The following DIO3 variants were observed in gnomAD, a reference collection of about 807,000 sequenced individuals.
DIO3 encodes thyroxine 5-deiodinase.
Under a neutral mutation model 20.4 loss-of-function variants are expected in DIO3, and 5 were observed. The ratio of observed to expected loss-of-function variants is 0.25; its 90% CI spans 0.13 to 0.52. The LOEUF (loss-of-function observed/expected upper bound fraction) is 0.52. DIO3 is among the 20% of genes least tolerant of loss of function. The probability of loss-of-function intolerance (pLI) is 0.97; values close to 1 mark genes in which losing one functional copy is unlikely to be tolerated. For synonymous variants in DIO3, 201 were observed against 193.3 expected (o/e 1.04, Z -0.33); for missense variants, 341 against 438.2 (o/e 0.78, Z 1.98).
Position 101,561,882 on chromosome 14 carries a change from C to T in DIO3, c.386C>T (p.Ala129Val). ...CAGAAGTTGGATTTCTTCAAGCAGG[C>T]GCACGAGGGCGGTCCGGCGCCCAAC... The change falls in exon 1 of 1, where the codon GCG (alanine) becomes GTG (valine). Residue 129 changes from alanine to valine, a missense_variant. Around this residue, in one of 3 missense-constraint regions of DIO3, gnomAD observed 198 missense variants for 220.7 expected, o/e 0.90. Coordinates refer to ENST00000510508, the Ensembl canonical transcript of DIO3. The surrounding 1 kb of genome is among the most constrained non-coding windows in gnomAD (Gnocchi z 8.0). 1 of 1,605,068 alleles carries T rather than the reference C, an allele frequency of 6.2e-7. No homozygotes were observed. The highest frequency in any genetic ancestry group is 8.5e-7 in the Non-Finnish European group (1 of 1,178,996).
rs2034538614 is a variant in DIO3 at position 101,562,594 on chromosome 14, A to C, written c.*183A>C. ...GAACAATCTCCCCTACCTCCCTGGG[A>C]CTCTGCTTCTGTAACTGTCTCATTC... On this transcript the variant is annotated 3_prime_UTR_variant, in exon 1 of 1. Coordinates refer to ENST00000510508, the Ensembl canonical transcript of DIO3. This position sits in a 1 kb window ranked among gnomAD's most constrained non-coding sequence, Gnocchi z 8.7. 1 of 625,208 alleles carries C rather than the reference A, an allele frequency of 1.6e-6. No homozygotes were observed. The highest frequency in any genetic ancestry group is 2.1e-5 in the South Asian group (1 of 46,810). 38.7% of individuals were successfully genotyped at this position (625,208 alleles called of 1,614,324 possible).
At position 101,562,455 on chromosome 14, in the gene DIO3, G is replaced by C. The variant is rs1044409953; in HGVS notation, c.*44G>C. Reference sequence around the variant, plus strand: ...ACTGAACTTGGTGGGCTGGGCCTTCGAGCCTTCGAAGCCCACGTGCAAGCG... The same window carrying C: ...ACTGAACTTGGTGGGCTGGGCCTTCCAGCCTTCGAAGCCCACGTGCAAGCG... On this transcript the variant is annotated 3_prime_UTR_variant, in exon 1 of 1. Coordinates refer to ENST00000510508, the Ensembl canonical transcript of DIO3. This position sits in a 1 kb window ranked among gnomAD's most constrained non-coding sequence, Gnocchi z 8.7. 3 of 1,556,080 alleles carry C rather than the reference G, an allele frequency of 1.9e-6. No homozygotes were observed. Among genetic ancestry groups the C allele is most frequent in the African/African-American group, 1.4e-5 (1 of 73,226 alleles).
Position 101,562,395 on chromosome 14 carries a change from G to A in DIO3, c.899G>A (p.Arg300Gln), listed in dbSNP as rs774880586. 13 of 1,609,982 alleles carry A rather than the reference G, an allele frequency of 8.1e-6. No individual in the cohort carries two copies. Among genetic ancestry groups the A allele is most frequent in the African/African-American group, 1.3e-5 (1 of 74,810 alleles). Residue 300 changes from arginine (R) to glutamine (Q), a missense_variant, in exon 1 of 1, where the codon CGG (arginine) becomes CAG (glutamine). By Grantham distance (43) the Arg-to-Gln change is conservative. Coordinates refer to ENST00000510508, the Ensembl canonical transcript of DIO3. This position sits in a 1 kb window ranked among gnomAD's most constrained non-coding sequence, Gnocchi z 8.7. ...TATGATGAGCAACTGCACGGCGCTC[G>A]GCCCCGGAGGGTGTAAACATCCAAC...
rs1466156605 is a variant in DIO3, at chr14:101,562,413, C to A, written c.*2C>A. On this transcript the variant is annotated 3_prime_UTR_variant, in exon 1 of 1. Transcript: ENST00000510508. The surrounding 1 kb of genome is among the most constrained non-coding windows in gnomAD (Gnocchi z 8.7). ...GGCGCTCGGCCCCGGAGGGTGTAAA[C>A]ATCCAACGGACAATTGACTGAACTT... is the stretch of plus-strand genomic sequence containing the variant. 1.2e-5 allele frequency: 20 copies of A among 1,600,682 alleles called. No individual in the cohort carries two copies. Among genetic ancestry groups the A allele is most frequent in the Non-Finnish European group, 1.7e-5 (20 of 1,171,898 alleles).
In DIO3 at chr14:101,562,602, T is replaced by C. The variant is rs758738718; in HGVS notation, c.*191T>C. The C allele has an allele frequency of 4.9e-6, 3 of 614,696 alleles. No individual in the cohort carries two copies. The highest frequency in any genetic ancestry group is 8.7e-6 in the Non-Finnish European group (3 of 343,714). 38.1% of individuals were successfully genotyped at this position (614,696 alleles called of 1,614,324 possible). ...TCCCCTACCTCCCTGGGACTCTGCT[T>C]CTGTAACTGTCTCATTCACACCTGC... On this transcript the variant is annotated 3_prime_UTR_variant, in exon 1 of 1. Coordinates refer to ENST00000510508, the Ensembl canonical transcript of DIO3. This position sits in a 1 kb window ranked among gnomAD's most constrained non-coding sequence, Gnocchi z 8.7.
Position 101,563,144 on chromosome 14 carries a change from G to A in DIO3, c.*733G>A, listed in dbSNP as rs2034543484. The A allele has an allele frequency of 6.0e-6, 1 of 167,096 alleles. No homozygotes were observed. The allele number at this position is 167,096 out of a possible 1,614,324, so 10.4% of individuals were successfully genotyped here. A position where few individuals can be genotyped will look rare whatever the true frequency, so the allele number is the denominator to read the frequency against. Reference sequence around the variant, plus strand: ...CCACCTTAAATGGGAGGGAAGTTGGGGTGTCTGCTTTGGGACCAGAGGAAG... The same window carrying A: ...CCACCTTAAATGGGAGGGAAGTTGGAGTGTCTGCTTTGGGACCAGAGGAAG... On this transcript the variant is annotated 3_prime_UTR_variant, in exon 1 of 1. Coordinates refer to ENST00000510508, the Ensembl canonical transcript of DIO3. The surrounding 1 kb of genome is among the most constrained non-coding windows in gnomAD (Gnocchi z 8.3).
rs762013346 is a variant in DIO3, at chr14:101,562,061, C to T, written c.565C>T (p.Arg189Cys). 38 of 1,609,750 alleles carry T rather than the reference C, an allele frequency of 2.4e-5. No homozygotes were observed. Among genetic ancestry groups the T allele is most frequent in the South Asian group, 4.4e-5 (4 of 91,092 alleles). Residue 189 changes from arginine (R) to cysteine (C), a missense_variant, in exon 1 of 1, where the codon CGC (arginine) becomes TGC (cysteine). Around this residue, in one of 3 missense-constraint regions of DIO3, gnomAD observed 138 missense variants for 197.8 expected, o/e 0.70. Coordinates refer to ENST00000510508, the Ensembl canonical transcript of DIO3. The surrounding 1 kb of genome is among the most constrained non-coding windows in gnomAD (Gnocchi z 8.7). ...CCAGCGCCTGGTCACTAAGTACCAG[C>T]GCGACGTCGACTTCCTCATCATCTA...
Position 101,561,646 on chromosome 14 carries a change from G to A in DIO3, c.150G>A (p.Pro50=), listed in dbSNP as rs1179326896. 4 of 1,613,382 alleles carry A rather than the reference G, an allele frequency of 2.5e-6. No homozygotes were observed. Among genetic ancestry groups the A allele is most frequent in the African/African-American group, 2.7e-5 (2 of 74,904 alleles). Residue 50 remains proline, a synonymous_variant, in exon 1 of 1, where the codon CCG becomes CCA. Coordinates refer to ENST00000510508, the Ensembl canonical transcript of DIO3. The surrounding 1 kb of genome is among the most constrained non-coding windows in gnomAD (Gnocchi z 8.0). ...CCGCCTCGTGCCTCGTGCTCTTCCC[G>A]CGCTTCCTCGGCACGGCCTTCATGC... is the stretch of plus-strand genomic sequence containing the variant.
In DIO3 at chr14:101,562,414, A is replaced by G; in HGVS notation, c.*3A>G. 1 of 1,600,670 alleles carries G rather than the reference A, an allele frequency of 6.2e-7. No homozygotes were observed. The highest frequency in any genetic ancestry group is 8.5e-7 in the Non-Finnish European group (1 of 1,171,680). ...GCGCTCGGCCCCGGAGGGTGTAAAC[A>G]TCCAACGGACAATTGACTGAACTTG... On this transcript the variant is annotated 3_prime_UTR_variant, in exon 1 of 1. Coordinates refer to ENST00000510508, the Ensembl canonical transcript of DIO3. The surrounding 1 kb of genome is among the most constrained non-coding windows in gnomAD (Gnocchi z 8.7).
At position 101,561,848 on chromosome 14, in the gene DIO3, T is replaced by A. The variant is rs1451876012; in HGVS notation, c.352T>A (p.Trp118Arg). Reference sequence around the variant, plus strand: ...CACCCTGGCGTCGCTCAAGGCGGTGTGGCATGGCCAGAAGTTGGATTTCTT... The same window carrying A: ...CACCCTGGCGTCGCTCAAGGCGGTGAGGCATGGCCAGAAGTTGGATTTCTT... Residue 118 changes from tryptophan (W) to arginine (R), a missense_variant, in exon 1 of 1, where the codon TGG (tryptophan) becomes AGG (arginine). Trp to Arg is a moderately radical substitution (Grantham distance 101). Around this residue, in one of 3 missense-constraint regions of DIO3, gnomAD observed 198 missense variants for 220.7 expected, o/e 0.90. Transcript: ENST00000510508. The surrounding 1 kb of genome is among the most constrained non-coding windows in gnomAD (Gnocchi z 8.0). 1 of 1,607,808 alleles carries A rather than the reference T, an allele frequency of 6.2e-7. No homozygotes were observed. The highest frequency in any genetic ancestry group is 8.5e-7 in the Non-Finnish European group (1 of 1,179,232).
chr14:101,562,140 T>A lies in DIO3; in HGVS notation c.644T>A (p.Ile215Asn). The A allele has an allele frequency of 6.2e-7, 1 of 1,613,034 alleles. No individual in the cohort carries two copies. The highest frequency in any genetic ancestry group is 8.5e-7 in the Non-Finnish European group (1 of 1,180,018). Residue 215 changes from isoleucine to asparagine, a missense_variant, in exon 1 of 1, where the codon ATC becomes AAC. By Grantham distance (149) the Ile-to-Asn change is moderately radical. Around this residue, in one of 3 missense-constraint regions of DIO3, gnomAD observed 138 missense variants for 197.8 expected, o/e 0.70. Transcript: ENST00000510508. This position sits in a 1 kb window ranked among gnomAD's most constrained non-coding sequence, Gnocchi z 8.7. ...TGGGTCACCACGGACTCTCCCTACA[T>A]CATCCCACAGCACCGGAGCCTGGAG...
chr14:101,562,187 G>T lies in DIO3; in HGVS notation c.691G>T (p.Val231Leu), dbSNP rs1445973511. 6.2e-7 allele frequency: 1 copy of T among 1,612,430 alleles called. No homozygotes were observed. Among genetic ancestry groups the T allele is most frequent in the Non-Finnish European group, 8.5e-7 (1 of 1,180,034 alleles). ...GGAGGACCGGGTCAGCGCAGCGAGG[G>T]TACTGCAGCAAGGTGCACCCGGCTG... The change falls in exon 1 of 1, where the codon GTA becomes TTA. Residue 231 changes from valine (V) to leucine (L), a missense_variant. Around this residue, in one of 3 missense-constraint regions of DIO3, gnomAD observed 138 missense variants for 197.8 expected, o/e 0.70. Transcript: ENST00000510508. This position sits in a 1 kb window ranked among gnomAD's most constrained non-coding sequence, Gnocchi z 8.7.
chr14:101,561,710 C>A lies in DIO3; in HGVS notation c.214C>A (p.Leu72Met), dbSNP rs1347829643. The change falls in exon 1 of 1, where the codon CTG becomes ATG. Residue 72 changes from leucine to methionine, a missense_variant. This residue lies in a region of DIO3 where 198 missense variants were observed against 220.7 expected (regional missense o/e 0.90). Coordinates refer to ENST00000510508, the Ensembl canonical transcript of DIO3. The surrounding 1 kb of genome is among the most constrained non-coding windows in gnomAD (Gnocchi z 8.0). ...TTTCTTGTGTATCCGCAAGCATTTCCTGGGCCGCCGCCGCCGGGGGCAGCC... is the reference window on the plus strand; with the variant it reads ...TTTCTTGTGTATCCGCAAGCATTTCATGGGCCGCCGCCGCCGGGGGCAGCC... The A allele has an allele frequency of 6.2e-7, 1 of 1,612,906 alleles. No homozygotes were observed. Among genetic ancestry groups the A allele is most frequent in the Admixed American group, 1.7e-5 (1 of 60,012 alleles).
rs933645013 is a variant in DIO3 at position 101,561,624 on chromosome 14, C to T, written c.128C>T (p.Ala43Val). ...TCCTTGAGGCTCTGCGCCCAGACCG[C>T]CTCGTGCCTCGTGCTCTTCCCGCGC... The change falls in exon 1 of 1, where the codon GCC (alanine) becomes GTC (valine). Residue 43 changes from alanine (A) to valine (V), a missense_variant. By Grantham distance (64) the Ala-to-Val change is moderately conservative. Coordinates refer to ENST00000510508, the Ensembl canonical transcript of DIO3. This position sits in a 1 kb window ranked among gnomAD's most constrained non-coding sequence, Gnocchi z 8.0. The T allele has an allele frequency of 1.2e-6, 2 of 1,613,472 alleles. No homozygotes were observed. Among genetic ancestry groups the T allele is most frequent in the Non-Finnish European group, 1.7e-6 (2 of 1,179,952 alleles).
Position 101,561,584 on chromosome 14 carries a change from T to A in DIO3, c.88T>A (p.Ser30Thr). Residue 30 changes from serine to threonine, a missense_variant, in exon 1 of 1, where the codon TCC becomes ACC. Coordinates refer to ENST00000510508, the Ensembl canonical transcript of DIO3. The surrounding 1 kb of genome is among the most constrained non-coding windows in gnomAD (Gnocchi z 8.0). ...GGGGCCTGCAGCCACCATGCTCCGC[T>A]CCCTGCTGCTTCACTCCTTGAGGCT... is the stretch of plus-strand genomic sequence containing the variant. 2 of 1,613,302 alleles carry A rather than the reference T, an allele frequency of 1.2e-6. No homozygotes were observed. Among genetic ancestry groups the A allele is most frequent in the Non-Finnish European group, 1.7e-6 (2 of 1,179,946 alleles).
In DIO3 at chr14:101,562,275, G is replaced by A. The variant is rs538885762; in HGVS notation, c.779G>A (p.Arg260His). 6 of 1,613,344 alleles carry A rather than the reference G, an allele frequency of 3.7e-6. No homozygotes were observed. The highest frequency in any genetic ancestry group is 1.1e-5 in the South Asian group (1 of 91,084). The change falls in exon 1 of 1, where the codon CGT becomes CAT. Residue 260 changes from arginine (R) to histidine (H), a missense_variant. Physicochemically the swap from Arg to His is conservative, Grantham distance 29. Around this residue, in one of 3 missense-constraint regions of DIO3, gnomAD observed 138 missense variants for 197.8 expected, o/e 0.70. Coordinates refer to ENST00000510508, the Ensembl canonical transcript of DIO3. This position sits in a 1 kb window ranked among gnomAD's most constrained non-coding sequence, Gnocchi z 8.7. ...TCGGCCTATGGCGCCTACTTCGAGC[G>A]TCTCTATGTCATCCAGAGTGGCACT...
rs778242454 is a variant in DIO3, at chr14:101,562,019, G to T, written c.523G>T (p.Ala175Ser). 2 of 1,604,364 alleles carry T rather than the reference G, an allele frequency of 1.2e-6. No homozygotes were observed. The highest frequency in any genetic ancestry group is 1.1e-5 in the South Asian group (1 of 91,088). ...CAGCTGCACCTGACCACCGTTCATGGCGCGCATGAGCGCCTTCCAGCGCCT... is the reference window on the plus strand; with the variant it reads ...CAGCTGCACCTGACCACCGTTCATGTCGCGCATGAGCGCCTTCCAGCGCCT... The change falls in exon 1 of 1, where the codon GCG becomes TCG. Residue 175 changes from alanine to serine, a missense_variant. By Grantham distance (99) the Ala-to-Ser change is moderately conservative. This residue lies in a region of DIO3 where 138 missense variants were observed against 197.8 expected (regional missense o/e 0.70). Coordinates refer to ENST00000510508, the Ensembl canonical transcript of DIO3. This position sits in a 1 kb window ranked among gnomAD's most constrained non-coding sequence, Gnocchi z 8.7.
Position 101,562,248 on chromosome 14 carries a change from G to A in DIO3, c.752G>A (p.Ser251Asn), listed in dbSNP as rs1362420190. The change falls in exon 1 of 1, where the codon AGC becomes AAC. Residue 251 changes from serine (S) to asparagine (N), a missense_variant. Ser to Asn is a conservative substitution (Grantham distance 46, BLOSUM62 1). This residue lies in a region of DIO3 where 138 missense variants were observed against 197.8 expected (regional missense o/e 0.70). Coordinates refer to ENST00000510508, the Ensembl canonical transcript of DIO3. This position sits in a 1 kb window ranked among gnomAD's most constrained non-coding sequence, Gnocchi z 8.7. Reference sequence around the variant, plus strand: ...CTCGACACCATGGCCAACTCCAGCAGCTCGGCCTATGGCGCCTACTTCGAG... The same window carrying A: ...CTCGACACCATGGCCAACTCCAGCAACTCGGCCTATGGCGCCTACTTCGAG... 1 of 1,612,664 alleles carries A rather than the reference G, an allele frequency of 6.2e-7. No individual in the cohort carries two copies. Among genetic ancestry groups the A allele is most frequent in the South Asian group, 1.1e-5 (1 of 91,088 alleles).
rs1239648899 is a variant in DIO3, at chr14:101,561,720, G to A, written c.224G>A (p.Arg75His). 3 of 1,612,440 alleles carry A rather than the reference G, an allele frequency of 1.9e-6. No individual in the cohort carries two copies. The highest frequency in any genetic ancestry group is 2.5e-6 in the Non-Finnish European group (3 of 1,179,402). Residue 75 changes from arginine (R) to histidine (H), a missense_variant, in exon 1 of 1, where the codon CGC becomes CAC. Arg to His is a conservative substitution (Grantham distance 29, BLOSUM62 0). Transcript: ENST00000510508. The surrounding 1 kb of genome is among the most constrained non-coding windows in gnomAD (Gnocchi z 8.0). The stretch of plus-strand genomic sequence containing the variant: ...ATCCGCAAGCATTTCCTGGGCCGCC[G>A]CCGCCGGGGGCAGCCCGAGCCCGAA...
Sources: allele counts gnomAD v4.1 joint callset, GRCh38; gene constraint gnomAD v4.1.1; regional missense constraint gnomAD v4.1.1; non-coding constraint Gnocchi (gnomAD v3.1); transcripts MANE v1.5; gene names NCBI Gene and HGNC (gene_info 2026-07-23, HGNC 2026-07-21).